The following CSMD3 variants were observed in gnomAD, a reference collection of about 807,000 sequenced individuals.
CSMD3 encodes CUB and Sushi multiple domains 3.
Under a neutral mutation model 435.2 loss-of-function variants are expected in CSMD3, and 177 were observed. The ratio of observed to expected loss-of-function variants is 0.41; its 90% CI spans 0.36 to 0.46. CSMD3 has a LOEUF of 0.46. Ranked by LOEUF, CSMD3 falls within the 20% of genes least tolerant of loss-of-function variation. The probability of loss-of-function intolerance (pLI) is 0.34; values close to 1 mark genes in which losing one functional copy is unlikely to be tolerated. For synonymous variants in CSMD3, 1,656 were observed against 1,520.5 expected (o/e 1.09, Z -2.07); for missense variants, 4,265 against 4,504.6 (o/e 0.95, Z 1.52).
intron 5 of CSMD3, among the ~76,000 whole-genome samples, chr8:113,086,000 G>A (rs1233569866): frequency 6.6e-6 from 1 of 152,098 alleles, no homozygotes; most frequent in Non-Finnish European, 1.5e-5. Context: ...CACTTCGGGA[G>A]GCCGAGGCAG....
chr8:112,469,160 CAAAAAAAAAAAAAA>C (rs71309771), intron 32 of CSMD3, among the ~76,000 whole-genome samples: 1 of 91,644 alleles, frequency 1.1e-5, no homozygotes, highest in Non-Finnish European at 2.2e-5. Flanking sequence ...CTACACCAGG[CAAAAAAAAAAAAAA>C]AAAAAAAAGT....
At chr8:112,539,624 T>TTTA (rs1433990273) in intron 27 of CSMD3, among the ~76,000 whole-genome samples, 1 of 152,050 alleles carries the variant, frequency 6.6e-6, no homozygotes, top group Non-Finnish European at 1.5e-5. Context: ...TCCATACATC[T>TTTA]ACAGCCAACT....
At chr8:112,892,696 C>G (rs543498054) in intron 10 of CSMD3, among the ~76,000 whole-genome samples, 107 of 151,588 alleles carry the variant, frequency 7.1e-4, no homozygotes, top group Middle Eastern at 3.4e-3. Flanking sequence ...CTTCAATTCA[C>G]AACACTACTT....
At chr8:113,095,206 A>G (rs1429262455) in intron 5 of CSMD3, among the ~76,000 whole-genome samples, 2 of 152,112 alleles carry the variant, frequency 1.3e-5, no homozygotes, top group African/African-American at 2.4e-5. Context: ...TTGCAAAATT[A>G]TTTTCATCAA....
chr8:113,114,817 A>G (rs2090774084), intron 4 of CSMD3, among the ~76,000 whole-genome samples: 1 of 152,198 alleles, frequency 6.6e-6, no homozygotes, highest in Non-Finnish European at 1.5e-5. Flanking sequence ...GGAAATTTTG[A>G]GAAAAATCAT....
At chr8:112,501,698 T>A (rs899273361) in intron 30 of CSMD3, among the ~76,000 whole-genome samples, 3 of 152,148 alleles carry the variant, frequency 2.0e-5, no homozygotes, top group Admixed American at 6.5e-5. Context: ...ACAGATGTCC[T>A]AAAAAGAATC....
intron 32 of CSMD3, among the ~76,000 whole-genome samples, chr8:112,425,894 C>A (rs1314242134): frequency 6.6e-6 from 1 of 151,954 alleles, no homozygotes; most frequent in African/African-American, 2.4e-5. Flanking sequence ...ACATTCGTTA[C>A]ATAAGTGTAT....
intron 4 of CSMD3, among the ~76,000 whole-genome samples, chr8:113,142,441 A>G (rs1003777102): frequency 6.6e-6 from 1 of 151,248 alleles, no homozygotes; most frequent in Non-Finnish European, 1.5e-5. Flanking sequence ...AATAGAACAG[A>G]GTAGGGAATC....
chr8:112,457,195 G>A (rs746510733), intron 32 of CSMD3, among the ~76,000 whole-genome samples: 2 of 152,002 alleles, frequency 1.3e-5, no homozygotes, highest in Non-Finnish European at 2.9e-5. Flanking sequence ...GGAGGTGTGG[G>A]CATTAATATT....
chr8:112,339,183 C>T (rs1049912770), intron 42 of CSMD3, among the ~76,000 whole-genome samples: 2 of 151,968 alleles, frequency 1.3e-5, no homozygotes, highest in Admixed American at 6.6e-5. Flanking sequence ...GATTGCAGGC[C>T]GAGTCCTCGT....
chr8:112,263,607 A>G, intron 61 of CSMD3, 32 bp downstream of exon 61: 1 of 1,599,718 alleles, frequency 6.3e-7, no homozygotes, highest in Non-Finnish European at 8.5e-7. Flanking sequence ...TGAAAATTTT[A>G]AGTAACAGTT....
intron 48 of CSMD3, 84 bp downstream of exon 48, chr8:112,314,345 G>T: frequency 1.0e-6 from 1 of 993,632 alleles, no homozygotes; most frequent in Non-Finnish European, 1.6e-6. Flanking sequence ...CACATAAGCA[G>T]CTGTTTATAC....
At chr8:112,867,134 G>A (rs1428594990) in intron 10 of CSMD3, among the ~76,000 whole-genome samples, 1 of 152,136 alleles carries the variant, frequency 6.6e-6, no homozygotes, top group East Asian at 1.9e-4. Context: ...GATGTTGAGA[G>A]AAATGGTGTG....
At chr8:112,638,444 G>A (rs902261608) in intron 21 of CSMD3, among the ~76,000 whole-genome samples, 9 of 151,004 alleles carry the variant, frequency 6.0e-5, no homozygotes, top group Admixed American at 5.3e-4. Context: ...TTAAAGAAAT[G>A]TAATTATTGT....
chr8:113,000,768 C>A (rs980774916), intron 6 of CSMD3, among the ~76,000 whole-genome samples: 1 of 151,922 alleles, frequency 6.6e-6, no homozygotes, highest in South Asian at 2.1e-4. Context: ...TAAATGCTAT[C>A]TTTCTGGGCT....
chr8:112,518,629 T>TGTGAGAGAGA (rs774602764), intron 27 of CSMD3, among the ~76,000 whole-genome samples: 2 of 124,116 alleles, frequency 1.6e-5, no homozygotes, highest in African/African-American at 5.8e-5. Flanking sequence ...TGTGTGTGTG[T>TGTGAGAGAGA]GAGAGAGAGA....
intron 5 of CSMD3, among the ~76,000 whole-genome samples, chr8:113,067,982 C>T (rs1272736717): frequency 1.3e-5 from 2 of 152,036 alleles, no homozygotes; most frequent in Admixed American, 1.3e-4. Context: ...TAATTGACTA[C>T]AAGGGACTGA....
At chr8:112,955,396 T>C (rs1383903748) in intron 7 of CSMD3, among the ~76,000 whole-genome samples, 2 of 151,746 alleles carry the variant, frequency 1.3e-5, no homozygotes, top group South Asian at 2.1e-4. Context: ...TTTTTAGATA[T>C]AGTAGTTGTA....
In CSMD3 at chr8:112,291,608, A is replaced by G. The variant is rs979349156; in HGVS notation, c.8876T>C (p.Val2959Ala). 39 of 1,610,580 alleles carry G rather than the reference A, an allele frequency of 2.4e-5. No individual in the cohort carries two copies. The Admixed American group carries it at 5.2e-4, about 21-fold the overall frequency. ...ATATCCAGGATTGCAGTCATAGAAT[A>G]CCACAGTGCCGTAAGTAAAATTTCC... is the stretch of plus-strand genomic sequence containing the variant. Reference protein sequence around the residue: ...EHGNFTYGTVVFYDCNPGYFL... With the variant: ...EHGNFTYGTVAFYDCNPGYFL... The change falls in exon 56 of 71, where the codon GTA (valine) becomes GCA (alanine). Residue 2959 changes from valine (V) to alanine (A), a missense_variant. By Grantham distance (64) the Val-to-Ala change is moderately conservative (BLOSUM62 0). Transcript: ENST00000297405.
Sources: allele counts gnomAD v4.1 joint callset (sites outside exome capture counted in the v4.1 genomes callset), GRCh38; gene constraint gnomAD v4.1.1; transcripts MANE v1.5; gene names NCBI Gene and HGNC (gene_info 2026-07-23, HGNC 2026-07-21).